The following CSGALNACT1 variants were observed in gnomAD, a reference collection of about 807,000 sequenced individuals.
The protein encoded by CSGALNACT1 is beta4GalNAcT-1.
CSGALNACT1 carries 52 observed loss-of-function variants against 51.0 expected under a neutral mutation model. That is an observed-to-expected ratio of 1.02 (90% CI 0.82 to 1.29). The LOEUF is 1.29. CSGALNACT1 is among the 50% of genes most tolerant of loss of function. CSGALNACT1 has a pLI of 0.00. For synonymous variants in CSGALNACT1, 341 were observed against 254.4 expected, an observed-to-expected ratio of 1.34 and a Z score of -3.24; for missense variants, 935 against 679.2, an observed-to-expected ratio of 1.38 and a Z score of -4.19.
chr8:19,653,287 C>T (rs1012164760), intron 1 of CSGALNACT1, among the ~76,000 whole-genome samples: 5 of 152,138 alleles, frequency 3.3e-5, no homozygotes, highest in Admixed American at 6.5e-5. Flanking sequence ...GAGCACACAG[C>T]GCTGTTGACA....
At chr8:19,554,961 C>T (rs1023062186) in intron 3 of CSGALNACT1, among the ~76,000 whole-genome samples, 3 of 150,940 alleles carry the variant, frequency 2.0e-5, no homozygotes. Context: ...AGAAATGAGC[C>T]GGGCGTGGTG....
intron 1 of CSGALNACT1, among the ~76,000 whole-genome samples, chr8:19,631,267 A>T (rs1800070651): frequency 6.6e-6 from 1 of 152,134 alleles, no homozygotes; most frequent in Admixed American, 6.5e-5. Flanking sequence ...TTTGGAAAAA[A>T]AAAACTGCCA....
intron 1 of CSGALNACT1, among the ~76,000 whole-genome samples, chr8:19,630,236 G>A (rs12677895): frequency 2.3e-4 from 29 of 127,624 alleles, no homozygotes; most frequent in Non-Finnish European, 4.0e-4. Flanking sequence ...GTGTGTGTGT[G>A]TGTGTGTATG....
intron 1 of CSGALNACT1, among the ~76,000 whole-genome samples, chr8:19,719,081 C>A (rs533367824): frequency 6.6e-6 from 1 of 152,268 alleles, no homozygotes; most frequent in South Asian, 2.1e-4. Flanking sequence ...AAATTTGTAC[C>A]CTATTTCTAC....
intron 1 of CSGALNACT1, among the ~76,000 whole-genome samples, chr8:19,707,618 T>C (rs1247164021): frequency 7.6e-6 from 1 of 131,802 alleles, no homozygotes; most frequent in South Asian, 2.5e-4. Context: ...AATCACCCTC[T>C]ACAAGAGCTA....
chr8:19,656,124 C>T (rs1198634285), intron 1 of CSGALNACT1, among the ~76,000 whole-genome samples: 2 of 152,178 alleles, frequency 1.3e-5, no homozygotes, highest in African/African-American at 4.8e-5. Context: ...ATCATGGACT[C>T]TCATGTTATG....
intron 8 of CSGALNACT1, among the ~76,000 whole-genome samples, chr8:19,414,652 C>G (rs1297551130): frequency 6.6e-6 from 1 of 151,956 alleles, no homozygotes; most frequent in Non-Finnish European, 1.5e-5. Context: ...TGTCTGCAGG[C>G]AAAACACTAT....
At chr8:19,644,036 A>G (rs995912770) in intron 1 of CSGALNACT1, among the ~76,000 whole-genome samples, 2 of 152,234 alleles carry the variant, frequency 1.3e-5, no homozygotes, top group Non-Finnish European at 2.9e-5. Flanking sequence ...TGTAATTTAC[A>G]TGCCTAACAT....
chr8:19,508,789 G>A (rs556905281), intron 3 of CSGALNACT1, among the ~76,000 whole-genome samples: 2 of 152,274 alleles, frequency 1.3e-5, no homozygotes, highest in South Asian at 2.1e-4. Flanking sequence ...CTAATAAAAT[G>A]GTTGTATTTG....
At chr8:19,460,651 G>C (rs1165828987) in intron 4 of CSGALNACT1, among the ~76,000 whole-genome samples, 1 of 152,220 alleles carries the variant, frequency 6.6e-6, no homozygotes, top group Non-Finnish European at 1.5e-5. Flanking sequence ...CAGTGACACG[G>C]CAATGGAATA....
intron 6 of CSGALNACT1, among the ~76,000 whole-genome samples, chr8:19,426,830 CCTGT>C (rs1585722434): frequency 2.0e-5 from 3 of 152,294 alleles, no homozygotes; most frequent in South Asian, 4.1e-4. Flanking sequence ...GATAGATCTT[CCTGT>C]CTAATATGAT....
chr8:19,560,722 TG>T, intron 3 of CSGALNACT1, among the ~76,000 whole-genome samples: 1 of 152,264 alleles, frequency 6.6e-6, no homozygotes, highest in East Asian at 1.9e-4. Flanking sequence ...CACTACTAAG[TG>T]CTGACAAAGA....
At chr8:19,743,019 C>T (rs936056684) in intron 1 of CSGALNACT1, among the ~76,000 whole-genome samples, 2 of 152,172 alleles carry the variant, frequency 1.3e-5, no homozygotes, top group South Asian at 2.1e-4. Flanking sequence ...TCCCTGTTTT[C>T]ATTCAGAGCC....
chr8:19,421,261 T>A (rs2057876794), intron 6 of CSGALNACT1, among the ~76,000 whole-genome samples: 1 of 152,196 alleles, frequency 6.6e-6, no homozygotes. Flanking sequence ...TCTGTAAGCA[T>A]CAGCTATTGC....
upstream of CSGALNACT1, among the ~76,000 whole-genome samples, chr8:19,684,154 T>G (rs543331123): frequency 5.9e-4 from 88 of 150,076 alleles, no homozygotes; most frequent in African/African-American, 2.0e-3. Flanking sequence ...CAACAGAACT[T>G]GACTCCATCT....
chr8:19,657,684 G>C (rs2058401900), intron 1 of CSGALNACT1, among the ~76,000 whole-genome samples: 1 of 152,114 alleles, frequency 6.6e-6, no homozygotes, highest in South Asian at 2.1e-4. Context: ...TAAGAATAAG[G>C]GCAAAACAAA....
chr8:19,644,959 G>T (rs1310178054), intron 1 of CSGALNACT1, among the ~76,000 whole-genome samples: 4 of 152,104 alleles, frequency 2.6e-5, no homozygotes, highest in Non-Finnish European at 4.4e-5. Context: ...AATAGCAGGA[G>T]CCTCTGTCTG....
intron 1 of CSGALNACT1, among the ~76,000 whole-genome samples, chr8:19,753,996 A>T (rs1251650096): frequency 6.6e-6 from 1 of 152,164 alleles, no homozygotes; most frequent in Admixed American, 6.5e-5. Context: ...TGCATCTTGG[A>T]ATGTGATAAA....
chr8:19,674,686 AC>A (rs2060041654), intron 1 of CSGALNACT1, among the ~76,000 whole-genome samples: 1 of 152,140 alleles, frequency 6.6e-6, no homozygotes, highest in Non-Finnish European at 1.5e-5. Flanking sequence ...AATCTAACTT[AC>A]CTTCTAACTT....
Sources: gnomAD v4.1 joint callset for allele counts (sites outside exome capture counted in the v4.1 genomes callset) on GRCh38, gnomAD v4.1.1 for gene constraint, MANE v1.5 for transcripts, NCBI Gene and HGNC (gene_info 2026-07-23, HGNC 2026-07-21) for gene names.